Variants in C4orf36 observed in about 807,000 individuals in gnomAD.
The protein encoded by C4orf36 is chromosome 4 open reading frame 36.
In C4orf36, 11 loss-of-function variants were observed where a neutral mutation model predicts 12.2. The observed-to-expected ratio is 0.90, with a 90% CI of 0.57 to 1.49. The LOEUF (loss-of-function observed/expected upper bound fraction) is 1.49, where lower values mean the gene tolerates loss of function less well. C4orf36 is among the 40% of genes most tolerant of loss of function. The pLI is 0.00. For synonymous variants in C4orf36, 54 were observed against 51.3 expected (o/e 1.05, Z -0.22); for missense variants, 137 against 133.9 (o/e 1.02, Z -0.11).
chr4:86,891,377 C>T (rs1747406500), intron 2 of C4orf36, 79 bp downstream of exon 2: 2 of 1,320,950 alleles, frequency 1.5e-6, no homozygotes, highest in Non-Finnish European at 2.2e-6. Context: ...CACAGAGTGT[C>T]CAGTCCTTTT....
upstream of C4orf36, among the ~76,000 whole-genome samples, chr4:86,895,082 C>T (rs2149425910): frequency 6.6e-6 from 1 of 152,232 alleles, no homozygotes; most frequent in South Asian, 2.1e-4. Flanking sequence ...CAGGCTGAGA[C>T]AGGAGGATCA....
At chr4:86,881,836 C>T (rs1181483075) in intron 4 of C4orf36, among the ~76,000 whole-genome samples, 1 of 152,122 alleles carries the variant, frequency 6.6e-6, no homozygotes, top group Non-Finnish European at 1.5e-5. Context: ...GCCACCATGC[C>T]TGGCTAATTT....
the C4orf36 span, among the ~76,000 whole-genome samples, chr4:86,916,365 CA>C: frequency 0.036 from 3,449 of 95,692 alleles, 22 homozygotes; most frequent in African/African-American, 0.066. Context: ...TATGTGGATG[CA>C]AAAAAAAAAA....
chr4:86,913,310 T>C, the C4orf36 span: 5 of 761,084 alleles, frequency 6.6e-6, no homozygotes, highest in Admixed American at 1.8e-5. Flanking sequence ...TAAATTGTCA[T>C]GGCTCCACCG....
At chr4:86,909,631 C>G in the C4orf36 span, among the ~76,000 whole-genome samples, 2 of 152,028 alleles carry the variant, frequency 1.3e-5, no homozygotes, top group Non-Finnish European at 2.9e-5. Flanking sequence ...TTTATTAATG[C>G]TTACTATAAG....
chr4:86,910,201 G>A, the C4orf36 span, among the ~76,000 whole-genome samples: 12 of 152,102 alleles, frequency 7.9e-5, 1 homozygote, highest in East Asian at 1.9e-4. Flanking sequence ...CAGCACTTTC[G>A]GAGGCCAAGG....
rs1475878830 is a variant in C4orf36 at position 86,891,566 on chromosome 4, A to G, written c.-46T>C. The G allele has an allele frequency of 6.2e-7, 1 of 1,613,754 alleles. No individual in the cohort carries two copies. The highest frequency in any genetic ancestry group is 1.1e-5 in the South Asian group (1 of 91,032). On this transcript the variant is annotated 5_prime_UTR_variant, in exon 2 of 5. Transcript: ENST00000295898. ...TTTCGTTACATAGGTGCCTGATGGA[A>G]TGTCACAGATAACTCTGTTCACTTT...
chr4:86,905,553 A>G, the C4orf36 span, among the ~76,000 whole-genome samples: 139 of 152,186 alleles, frequency 9.1e-4, no homozygotes, highest in African/African-American at 3.2e-3. Context: ...ATCCTGTCTC[A>G]AGGAAGAAAA....
intron 2 of C4orf36, among the ~76,000 whole-genome samples, chr4:86,891,040 G>A (rs1011546690): frequency 1.3e-5 from 2 of 152,154 alleles, no homozygotes; most frequent in Non-Finnish European, 2.9e-5. Flanking sequence ...AGCTAATTAG[G>A]TGCTCTGTTA....
At chr4:86,890,929 C>A (rs1747382670) in intron 2 of C4orf36, among the ~76,000 whole-genome samples, 1 of 152,156 alleles carries the variant, frequency 6.6e-6, no homozygotes. Flanking sequence ...GAGCTGGGGG[C>A]AGGGCCAGGC....
intron 4 of C4orf36, among the ~76,000 whole-genome samples, chr4:86,877,409 G>A (rs1746950260): frequency 6.6e-6 from 1 of 152,222 alleles, no homozygotes; most frequent in South Asian, 2.1e-4. Context: ...GGGTAATCTG[G>A]TGAAAGCTCC....
At chr4:86,918,133 A>G in the C4orf36 span, among the ~76,000 whole-genome samples, 2 of 152,192 alleles carry the variant, frequency 1.3e-5, no homozygotes, top group African/African-American at 4.8e-5. Flanking sequence ...TAAGGGCACT[A>G]ATCCCATTCA....
At chr4:86,882,006 T>C (rs1003005889) in intron 4 of C4orf36, among the ~76,000 whole-genome samples, 6 of 152,214 alleles carry the variant, frequency 3.9e-5, no homozygotes, top group African/African-American at 1.4e-4. Flanking sequence ...TGATCGTCTA[T>C]TGAGTGCCTA....
the C4orf36 span, chr4:86,936,028 C>T: frequency 6.6e-6 from 1 of 152,076 alleles, no homozygotes; most frequent in South Asian, 2.1e-4. Flanking sequence ...CTGCGACGGG[C>T]CTGCGGGCGG....
rs772818013 is a variant in C4orf36 at position 86,888,231 on chromosome 4, G to A, written c.110C>T (p.Thr37Ile). 2.5e-6 allele frequency: 4 copies of A among 1,614,022 alleles called. No homozygotes were observed. In the South Asian group the frequency reaches 4.4e-5, roughly 18 times the overall value. Residue 37 changes from threonine to isoleucine, a missense_variant, in exon 3 of 5, where the codon ACA becomes ATA. By Grantham distance (89) the Thr-to-Ile change is moderately conservative (BLOSUM62 -1). Coordinates refer to ENST00000295898, the MANE Select transcript of C4orf36 (RefSeq NM_144645.4). ...DIALLAKTWS[T>I]NLANIKLPFL... Reference sequence around the variant, plus strand: ...AGGCAACTTGATATTGGCTAGGTTTGTGGACCAGGTCTTTGCAAGCAATGC... The same window carrying A: ...AGGCAACTTGATATTGGCTAGGTTTATGGACCAGGTCTTTGCAAGCAATGC...
chr4:86,876,470 G>A, intron 4 of C4orf36, 27 bp from the exon 5 acceptor site: 1 of 1,613,058 alleles, frequency 6.2e-7, no homozygotes, highest in Non-Finnish European at 8.5e-7. Context: ...GGGAAAATAA[G>A]ATTTTATTTT....
chr4:86,921,629 A>C, the C4orf36 span, among the ~76,000 whole-genome samples: 1 of 152,248 alleles, frequency 6.6e-6, no homozygotes, highest in African/African-American at 2.4e-5. Flanking sequence ...TAATAAACTC[A>C]GTATTAAAAT....
chr4:86,913,358 C>A, the C4orf36 span: 1 of 824,126 alleles, frequency 1.2e-6, no homozygotes, highest in Non-Finnish European at 2.1e-6. Flanking sequence ...TCTTGCTTGC[C>A]CACCTCATAA....
At chr4:86,916,805 T>G in the C4orf36 span, among the ~76,000 whole-genome samples, 1 of 152,222 alleles carries the variant, frequency 6.6e-6, no homozygotes, top group Admixed American at 6.5e-5. Flanking sequence ...ACTCATTTCA[T>G]GGTAATGGGA....
Sources: allele counts gnomAD v4.1 joint callset (sites outside exome capture counted in the v4.1 genomes callset), GRCh38; gene constraint gnomAD v4.1.1; transcripts MANE v1.5; gene names NCBI Gene and HGNC (gene_info 2026-07-23, HGNC 2026-07-21).